KIF5C: variants seen among roughly 807,000 people sequenced by gnomAD.
The protein encoded by KIF5C is kinesin heavy chain isoform 5C.
In KIF5C, 18 loss-of-function variants were observed where a neutral mutation model predicts 125.2. The observed-to-expected ratio is 0.14, with a 90% CI of 0.10 to 0.21. The LOEUF (loss-of-function observed/expected upper bound fraction) is 0.21, where lower values mean the gene tolerates loss of function less well. Ranked by LOEUF, KIF5C falls within the 10% of genes least tolerant of loss-of-function variation. KIF5C has a pLI of 1.00. For missense variants in KIF5C, 780 were observed against 1,183.8 expected (o/e 0.66, Z 5.01); for synonymous variants, 405 against 434.0 (o/e 0.93, Z 0.83).
rs1236234802 is a variant in KIF5C, at chr2:149,023,151, A to G, written c.*81A>G. On this transcript the variant is annotated 3_prime_UTR_variant, in exon 26 of 26. Transcript: ENST00000435030. ...TTATTTTTCCCCCCCTACAGTTTCC[A>G]TTTTTTTTTTATACTTGCTTACTCC... The G allele has an allele frequency of 6.8e-6, 1 of 147,336 alleles. No homozygotes were observed. Among genetic ancestry groups the G allele is most frequent in the Non-Finnish European group, 1.5e-5 (1 of 66,508 alleles). 9.1% of individuals were successfully genotyped at this position (147,336 alleles called of 1,614,324 possible).
intron 25 of KIF5C, among the ~76,000 whole-genome samples, chr2:149,019,595 C>G (rs1370682109): frequency 6.6e-6 from 1 of 152,132 alleles, no homozygotes; most frequent in African/African-American, 2.4e-5. Context: ...GTCATAAATT[C>G]AGAGCAACTA....
Position 149,010,342 on chromosome 2 carries a change from G to A in KIF5C, c.2758G>A (p.Ala920Thr), listed in dbSNP as rs367571292. Residue 920 changes from alanine (A) to threonine (T), a missense_variant, in exon 24 of 26, where the codon GCC (alanine) becomes ACC (threonine). Coordinates refer to ENST00000435030, the MANE Select transcript of KIF5C (RefSeq NM_004522.3). Reference sequence around the variant, plus strand: ...GAACATGGCCAGAAGGGCCCATTCAGCCCAGATCGGTACGTGCGTGCACAG... The same window carrying A: ...GAACATGGCCAGAAGGGCCCATTCAACCCAGATCGGTACGTGCGTGCACAG... ...AKNMARRAHS[A>T]QIAKPIRPGH... 5 of 1,580,404 alleles carry A rather than the reference G, an allele frequency of 3.2e-6. No individual in the cohort carries two copies. Among genetic ancestry groups the A allele is most frequent in the African/African-American group, 1.4e-5 (1 of 74,040 alleles).
intron 10 of KIF5C, among the ~76,000 whole-genome samples, chr2:148,957,592 TA>T (rs201033625): frequency 0.017 from 1,203 of 71,780 alleles, 9 homozygotes; most frequent in African/African-American, 0.02. Context: ...TTTGTTCTAG[TA>T]AAAAAAAAAA....
In KIF5C at chr2:148,881,717, C is replaced by CACAGGT; in HGVS notation, c.126+5974_126+5975insACAGGT. On this transcript the variant is annotated intron_variant, in intron 1 of 25. Coordinates refer to ENST00000435030, the MANE Select transcript of KIF5C (RefSeq NM_004522.3). ...CCTTTGATTTCCCTTTAGTCCTTACCTCTAAATCATCGTGGTGATTTAGAG... is the reference window on the plus strand; with the variant it reads ...CCTTTGATTTCCCTTTAGTCCTTACCACAGGTTCTAAATCATCGTGGTGATTTAGAG... 1.3e-5 allele frequency among the ~76,000 whole-genome samples: 2 copies of CACAGGT among 151,480 alleles called. 1 individual carries two copies. The highest frequency in any genetic ancestry group is 4.9e-5 in the African/African-American group (2 of 40,818).
At chr2:148,897,136 A>G (rs1369791955) in intron 1 of KIF5C, among the ~76,000 whole-genome samples, 5 of 152,188 alleles carry the variant, frequency 3.3e-5, no homozygotes, top group Admixed American at 6.5e-5. Flanking sequence ...CCCGGCCAAG[A>G]TCATGATTCA....
In KIF5C at chr2:148,981,125, TACAAAACAAAA is replaced by T. The variant is rs777218640; in HGVS notation, c.1363-229_1363-219del. Among the ~76,000 whole-genome samples the T allele has an allele frequency of 1.6e-3, 250 of 152,312 alleles. 1 individual carries two copies. The highest frequency in any genetic ancestry group is 2.4e-3 in the Non-Finnish European group (166 of 68,024). Reference sequence around the variant, plus strand: ...AACTAACAACAACAACAACAAAACATACAAAACAAAACACATGCACACAAAACAGATTTTTG... The same window carrying T: ...AACTAACAACAACAACAACAAAACATCACATGCACACAAAACAGATTTTTG... On this transcript the variant is annotated intron_variant, in intron 13 of 25. Coordinates refer to ENST00000435030, the MANE Select transcript of KIF5C (RefSeq NM_004522.3).
intron 1 of KIF5C, among the ~76,000 whole-genome samples, chr2:148,906,567 A>G (rs982837580): frequency 6.6e-6 from 1 of 151,960 alleles, no homozygotes; most frequent in Admixed American, 6.6e-5. Context: ...AAAATAAAAT[A>G]AAATAAAAAT....
Position 148,875,569 on chromosome 2 carries a change from G to GCC in KIF5C, c.-46_-45dup. The GCC allele has an allele frequency of 1.3e-5, 9 of 689,846 alleles. No individual in the cohort carries two copies. The highest frequency in any genetic ancestry group is 1.8e-5 in the Non-Finnish European group (7 of 380,178). The allele number at this position is 689,846 out of a possible 1,614,324, so 42.7% of individuals were successfully genotyped here. A position where few individuals can be genotyped will look rare whatever the true frequency, so the allele number is the denominator to read the frequency against. On this transcript the variant is annotated 5_prime_UTR_variant, in exon 1 of 26. Coordinates refer to ENST00000435030, the MANE Select transcript of KIF5C (RefSeq NM_004522.3). ...GCGGCCTCCTCCCTCGTCGTTCCCG[G>GCC]CCCCGGCCCCCCACCCATCCCCGTG... is the stretch of plus-strand genomic sequence containing the variant.
At chr2:148,893,564 G>A in intron 1 of KIF5C, among the ~76,000 whole-genome samples, 1 of 152,306 alleles carries the variant, frequency 6.6e-6, no homozygotes, top group East Asian at 1.9e-4. Context: ...ATCTGTGGCT[G>A]TAAATTTGTT....
chr2:148,877,807 T>C (rs1681236244), intron 1 of KIF5C: 1 of 151,308 alleles, frequency 6.6e-6, no homozygotes, highest in Admixed American at 6.6e-5. Context: ...TGAAATGAAG[T>C]AATAAATCAT....
chr2:148,942,786 C>T, intron 7 of KIF5C, 26 bp downstream of exon 7: 1 of 1,594,952 alleles, frequency 6.3e-7, no homozygotes, highest in Non-Finnish European at 8.5e-7. Flanking sequence ...GTGTTTCCTC[C>T]CCTGCAGCTT....
At chr2:148,953,992 C>T (rs1682731427) in intron 10 of KIF5C, among the ~76,000 whole-genome samples, 1 of 152,096 alleles carries the variant, frequency 6.6e-6, no homozygotes, top group Non-Finnish European at 1.5e-5. Context: ...CAACCCGTCA[C>T]CTACATTAGG....
In KIF5C at chr2:148,881,723, A is replaced by AAAAAAGCAAAAACAAATTGCCTAC. The variant is rs1424718152; in HGVS notation, c.126+5980_126+5981insAAAAAGCAAAAACAAATTGCCTAC. 1.2e-3 allele frequency among the ~76,000 whole-genome samples: 170 copies of AAAAAAGCAAAAACAAATTGCCTAC among 145,896 alleles called. 5 individuals are homozygous for AAAAAAGCAAAAACAAATTGCCTAC. The highest frequency in any genetic ancestry group is 4.5e-3 in the African/African-American group (159 of 35,582). On this transcript the variant is annotated intron_variant, in intron 1 of 25. Transcript: ENST00000435030. ...ATTTCCCTTTAGTCCTTACCTCTAA[A>AAAAAAGCAAAAACAAATTGCCTAC]TCATCGTGGTGATTTAGAGGGTGAA...
At chr2:148,988,078 C>T (rs753659059) in intron 15 of KIF5C, among the ~76,000 whole-genome samples, 6 of 151,980 alleles carry the variant, frequency 3.9e-5, no homozygotes, top group Non-Finnish European at 7.4e-5. Context: ...ATACTGGATC[C>T]CATGGTCTAG....
At chr2:149,021,124 A>G (rs956130208) in intron 25 of KIF5C, among the ~76,000 whole-genome samples, 5 of 152,138 alleles carry the variant, frequency 3.3e-5, no homozygotes, top group African/African-American at 1.2e-4. Context: ...GTGCAGCAGC[A>G]TGATCTCGGC....
intron 7 of KIF5C, among the ~76,000 whole-genome samples, chr2:148,944,587 T>C (rs2105106529): frequency 6.6e-6 from 1 of 152,368 alleles, no homozygotes; most frequent in East Asian, 1.9e-4. Context: ...TTGTGAATAA[T>C]GCTGTTATGA....
At chr2:148,969,495 A>G (rs754239268) in intron 11 of KIF5C, among the ~76,000 whole-genome samples, 68 of 150,484 alleles carry the variant, frequency 4.5e-4, no homozygotes, top group Non-Finnish European at 7.5e-4. Flanking sequence ...GATGCTTTAC[A>G]ATATTATGAG....
intron 11 of KIF5C, among the ~76,000 whole-genome samples, chr2:148,968,402 C>T (rs554674148): frequency 1.3e-5 from 2 of 152,310 alleles, no homozygotes; most frequent in African/African-American, 4.8e-5. Flanking sequence ...GGGACCACCA[C>T]AATTGGAACA....
chr2:149,000,869 G>C, intron 21 of KIF5C, 87 bp downstream of exon 21: 8 of 1,587,408 alleles, frequency 5.0e-6, no homozygotes, highest in Non-Finnish European at 6.0e-6. Context: ...TTTTATCCAT[G>C]CACACCTTTC....
Sources: gnomAD v4.1 joint callset for allele counts (sites outside exome capture counted in the v4.1 genomes callset) on GRCh38, gnomAD v4.1.1 for gene constraint, MANE v1.5 for transcripts, NCBI Gene and HGNC (gene_info 2026-07-23, HGNC 2026-07-21) for gene names.